C12orf75: variants seen among roughly 807,000 people sequenced by gnomAD.
The protein encoded by C12orf75 is chromosome 12 open reading frame 75.
In C12orf75, 4 loss-of-function variants were observed where a neutral mutation model predicts 11.4. The observed-to-expected ratio is 0.35, with a 90% CI of 0.17 to 0.80. C12orf75 has a LOEUF of 0.80. C12orf75 is among the 30% of genes least tolerant of loss of function. The probability of loss-of-function intolerance (pLI) is 0.52; values close to 1 mark genes in which losing one functional copy is unlikely to be tolerated. For missense variants in C12orf75, 89 were observed against 80.4 expected (o/e 1.11, Z -0.41); for synonymous variants, 30 against 30.0 (o/e 1.00, Z 0.00).
At chr12:105,351,135 T>G (rs1355770048) in intron 2 of C12orf75, among the ~76,000 whole-genome samples, 1 of 152,208 alleles carries the variant, frequency 6.6e-6, no homozygotes, top group Non-Finnish European at 1.5e-5. Context: ...AGCTATAGAT[T>G]TATAAATCTT....
intron 1 of C12orf75, 59 bp from the exon 2 acceptor site, chr12:105,348,543 C>T: frequency 2.4e-6 from 3 of 1,230,322 alleles, no homozygotes; most frequent in Non-Finnish European, 3.3e-6. Context: ...AGGTATTAGA[C>T]AACATTTTTG....
chr12:105,338,875 G>T (rs1435976123), intron 1 of C12orf75, among the ~76,000 whole-genome samples: 1 of 152,122 alleles, frequency 6.6e-6, no homozygotes, highest in Non-Finnish European at 1.5e-5. Context: ...CCACCCCCAT[G>T]AGATTTGGAG....
chr12:105,368,913 A>G (rs1003105458), intron 5 of C12orf75, among the ~76,000 whole-genome samples: 35 of 152,094 alleles, frequency 2.3e-4, no homozygotes, highest in African/African-American at 7.7e-4. Context: ...TATTTCTAGT[A>G]TTTTTAACAT....
At chr12:105,346,345 C>A (rs941998305) in intron 1 of C12orf75, among the ~76,000 whole-genome samples, 4 of 152,180 alleles carry the variant, frequency 2.6e-5, no homozygotes, top group Admixed American at 1.3e-4. Context: ...AAATAAACTT[C>A]TAAATTGATT....
chr12:105,337,723 C>T (rs1892514107), intron 1 of C12orf75, among the ~76,000 whole-genome samples: 1 of 152,158 alleles, frequency 6.6e-6, no homozygotes, highest in Admixed American at 6.5e-5. Flanking sequence ...CCCCTGGTTA[C>T]GTGACTCTAG....
intron 4 of C12orf75, among the ~76,000 whole-genome samples, chr12:105,367,002 A>G (rs577048704): frequency 6.6e-6 from 1 of 152,226 alleles, no homozygotes; most frequent in Non-Finnish European, 1.5e-5. Context: ...TGGCATTTTC[A>G]TAGAACAGAA....
At chr12:105,343,120 G>A (rs1368287903) in intron 1 of C12orf75, among the ~76,000 whole-genome samples, 1 of 152,094 alleles carries the variant, frequency 6.6e-6, no homozygotes. Context: ...TTTTTAGGAA[G>A]ATATTTAAAA....
chr12:105,357,496 A>G (rs927928701), intron 2 of C12orf75, among the ~76,000 whole-genome samples: 17 of 152,206 alleles, frequency 1.1e-4, no homozygotes, highest in African/African-American at 4.1e-4. Context: ...TTATCTTTTC[A>G]ACAATCCCAA....
chr12:105,361,132 G>C (rs1358858112), intron 2 of C12orf75, among the ~76,000 whole-genome samples: 2 of 152,094 alleles, frequency 1.3e-5, no homozygotes, highest in Non-Finnish European at 2.9e-5. Flanking sequence ...GGAGGCTCGT[G>C]TGATCCTCCC....
chr12:105,334,720 A>G (rs1592875232), intron 1 of C12orf75, among the ~76,000 whole-genome samples: 2 of 152,340 alleles, frequency 1.3e-5, no homozygotes, highest in East Asian at 3.9e-4. Flanking sequence ...CTTTCTCTGC[A>G]GTCAGATTCT....
rs1892568566 is a variant in C12orf75 at position 105,341,180 on chromosome 12, A to G, written c.47-7422A>G. Among the ~76,000 whole-genome samples the G allele has an allele frequency of 2.6e-5, 4 of 152,366 alleles. No homozygotes were observed. In the South Asian group the frequency reaches 8.3e-4, roughly 32 times the overall value. On this transcript the variant is annotated intron_variant, in intron 1 of 5. Coordinates refer to ENST00000443585, the MANE Select transcript of C12orf75 (RefSeq NM_001145199.2). ...CTGGAGTATAAATAATTCTTTGCTT[A>G]AATAAACACAGCATGATGCAATCTT... is the stretch of plus-strand genomic sequence containing the variant.
At chr12:105,362,901 A>AAT (rs1892893280) in intron 2 of C12orf75, among the ~76,000 whole-genome samples, 1 of 152,148 alleles carries the variant, frequency 6.6e-6, no homozygotes, top group Non-Finnish European at 1.5e-5. Flanking sequence ...TAAATGAACT[A>AAT]ATATAATAGG....
intron 2 of C12orf75, among the ~76,000 whole-genome samples, chr12:105,360,695 A>G (rs1181199540): frequency 1.3e-5 from 2 of 152,190 alleles, no homozygotes; most frequent in Non-Finnish European, 2.9e-5. Context: ...TCTTTCACCC[A>G]GGCTGGAGTG....
intron 1 of C12orf75, among the ~76,000 whole-genome samples, chr12:105,340,151 C>T (rs1377250441): frequency 1.3e-5 from 2 of 151,790 alleles, no homozygotes; most frequent in Admixed American, 6.6e-5. Flanking sequence ...GCAGGTGGGG[C>T]GTGGTGGCTC....
At position 105,342,067 on chromosome 12, in the gene C12orf75, C is replaced by T. The variant is rs1283442706; in HGVS notation, c.47-6535C>T. 2.0e-5 allele frequency among the ~76,000 whole-genome samples: 3 copies of T among 152,178 alleles called. No individual in the cohort carries two copies. The East Asian group carries it at 5.8e-4, about 29-fold the overall frequency. On this transcript the variant is annotated intron_variant, in intron 1 of 5. Transcript: ENST00000443585. ...ATAAATTACCCAGTCTAGGGTATGTCTTTATTAGCAGCATGAGAACAGACT... is the reference window on the plus strand; with the variant it reads ...ATAAATTACCCAGTCTAGGGTATGTTTTTATTAGCAGCATGAGAACAGACT...
chr12:105,340,233 T>C (rs1229084824), intron 1 of C12orf75, among the ~76,000 whole-genome samples: 2 of 151,134 alleles, frequency 1.3e-5, no homozygotes, highest in African/African-American at 4.9e-5. Flanking sequence ...AGACCATCCT[T>C]GCTAACACAG....
At chr12:105,335,071 A>C (rs948894147) in intron 1 of C12orf75, among the ~76,000 whole-genome samples, 1 of 152,216 alleles carries the variant, frequency 6.6e-6, no homozygotes, top group Non-Finnish European at 1.5e-5. Flanking sequence ...AGAGATATGT[A>C]ATTGGTAACT....
chr12:105,364,823 T>C (rs1010079598), intron 2 of C12orf75, among the ~76,000 whole-genome samples: 4 of 150,972 alleles, frequency 2.6e-5, no homozygotes, highest in Non-Finnish European at 5.9e-5. Context: ...GGAATTCTGG[T>C]AGAATATGGA....
In C12orf75 at chr12:105,348,580, C is replaced by A. The variant is rs980317114; in HGVS notation, c.47-22C>A. On this transcript the variant is annotated intron_variant, in intron 1 of 5. Coordinates refer to ENST00000443585, the MANE Select transcript of C12orf75 (RefSeq NM_001145199.2). ...AGCAATACTATCACACCAATACAAA[C>A]CTATCTTCTTTTTTTCTCTAGGCCC... 13 of 1,517,248 alleles carry A rather than the reference C, an allele frequency of 8.6e-6. No individual in the cohort carries two copies. The Admixed American group carries it at 2.7e-4, about 31-fold the overall frequency. 94.0% of individuals were successfully genotyped at this position (1,517,248 alleles called of 1,614,324 possible).
Sources: gnomAD v4.1 joint callset for allele counts (sites outside exome capture counted in the v4.1 genomes callset) on GRCh38, gnomAD v4.1.1 for gene constraint, MANE v1.5 for transcripts, NCBI Gene and HGNC (gene_info 2026-07-23, HGNC 2026-07-21) for gene names.